The following MKRN2 variants were observed in gnomAD, a reference collection of about 807,000 sequenced individuals.
The protein encoded by MKRN2 is makorin ring finger protein 2.
Under a neutral mutation model 45.4 loss-of-function variants are expected in MKRN2, and 32 were observed. That is an observed-to-expected ratio of 0.70 (90% CI 0.53 to 0.95). The LOEUF is 0.95. Among genes scored for constraint, MKRN2 ranks in the 40% least tolerant of loss-of-function variants. The pLI is 0.00. For synonymous variants in MKRN2, 206 were observed against 192.4 expected (o/e 1.07, Z -0.59); for missense variants, 526 against 536.7 (o/e 0.98, Z 0.20).
chr3:12,568,433 G>A (rs2058081370), intron 1 of MKRN2, among the ~76,000 whole-genome samples: 1 of 152,184 alleles, frequency 6.6e-6, no homozygotes, highest in African/African-American at 2.4e-5. Flanking sequence ...CATTTTATAG[G>A]GAAAGGTAGC....
At position 12,570,271 on chromosome 3, in the gene MKRN2, TTTG is replaced by T; in HGVS notation, c.337+23_337+25del. On this transcript the variant is annotated intron_variant, in intron 3 of 7. Coordinates refer to ENST00000170447, the MANE Select transcript of MKRN2 (RefSeq NM_014160.5). Reference sequence around the variant, plus strand: ...GACCGAAGTGAGTAAGCGGAAGCCTTTTGTTGCGTCTTTTTGCATAGCACTCTT... The same window carrying T: ...GACCGAAGTGAGTAAGCGGAAGCCTTTTGCGTCTTTTTGCATAGCACTCTT... 1 of 1,605,936 alleles carries T rather than the reference TTTG, an allele frequency of 6.2e-7. No individual in the cohort carries two copies. The highest frequency in any genetic ancestry group is 8.5e-7 in the Non-Finnish European group (1 of 1,175,190).
intron 1 of MKRN2, among the ~76,000 whole-genome samples, chr3:12,565,213 C>T (rs535188076): frequency 1.3e-5 from 2 of 152,210 alleles, no homozygotes; most frequent in Non-Finnish European, 2.9e-5. Flanking sequence ...GTCTTCCAAA[C>T]TCAGCCTCCT....
chr3:12,569,945 T>C (rs1002512695), intron 2 of MKRN2, 126 bp from the exon 3 acceptor site: 174 of 854,468 alleles, frequency 2.0e-4, no homozygotes, highest in Non-Finnish European at 2.8e-4. Context: ...GTTTAAATAT[T>C]GGAAAAGATG....
At chr3:12,567,637 C>T (rs555637667) in intron 1 of MKRN2, among the ~76,000 whole-genome samples, 83 of 152,038 alleles carry the variant, frequency 5.5e-4, no homozygotes, top group East Asian at 4.1e-3. Flanking sequence ...TACAGGCATG[C>T]ACCTCCACTC....
At chr3:12,571,923 T>G (rs2058101893) in intron 3 of MKRN2, 146 bp from the exon 4 acceptor site, 2 of 744,660 alleles carry the variant, frequency 2.7e-6, no homozygotes, top group South Asian at 5.4e-5. Context: ...CCTTTTATTT[T>G]TCCCCTTCGG....
intron 1 of MKRN2, among the ~76,000 whole-genome samples, chr3:12,563,650 C>T (rs1273858545): frequency 2.0e-4 from 30 of 147,048 alleles, no homozygotes; most frequent in African/African-American, 5.3e-4. Context: ...CCACCATGCC[C>T]GGCTACTTTT....
intron 1 of MKRN2, among the ~76,000 whole-genome samples, chr3:12,567,719 G>C (rs757834942): frequency 3.3e-5 from 5 of 151,928 alleles, no homozygotes; most frequent in Non-Finnish European, 7.4e-5. Context: ...TGGAACCCCC[G>C]ACCTCAGGTG....
chr3:12,570,883 CAAAAAAAAA>C (rs889392244), intron 3 of MKRN2, among the ~76,000 whole-genome samples: 9 of 48,784 alleles, frequency 1.8e-4, no homozygotes, highest in Non-Finnish European at 4.1e-4. Context: ...GACTCCCTCT[CAAAAAAAAA>C]AAAAAAAAAA....
intron 4 of MKRN2, among the ~76,000 whole-genome samples, chr3:12,573,773 G>GGCGCCTACAGCC (rs1222444688): frequency 6.6e-6 from 1 of 151,866 alleles, no homozygotes; most frequent in Non-Finnish European, 1.5e-5. Context: ...GGCGCCTGTA[G>GGCGCCTACAGCC]TCCCAGCTAC....
intron 3 of MKRN2, among the ~76,000 whole-genome samples, chr3:12,571,015 A>C (rs1196403611): frequency 2.0e-5 from 3 of 152,124 alleles, no homozygotes; most frequent in African/African-American, 7.2e-5. Context: ...CACCTTTGGG[A>C]AAAGAATAGC....
intron 4 of MKRN2, among the ~76,000 whole-genome samples, chr3:12,573,857 C>T (rs889807169): frequency 6.6e-6 from 1 of 151,162 alleles, no homozygotes; most frequent in Admixed American, 6.6e-5. Context: ...TGCACCACCG[C>T]ACTCCAGCCT....
chr3:12,568,588 T>C (rs1016716902), intron 1 of MKRN2, among the ~76,000 whole-genome samples: 2 of 152,240 alleles, frequency 1.3e-5, no homozygotes, highest in Non-Finnish European at 1.5e-5. Context: ...TTCTCAATTA[T>C]GTGGCTCACA....
Position 12,576,741 on chromosome 3 carries a change from G to A in MKRN2, c.968G>A (p.Gly323Glu), listed in dbSNP as rs1225485766. Residue 323 changes from glycine to glutamate, a missense_variant and splice_region_variant, in exon 6 of 8, where the codon GGG becomes GAG. By Grantham distance (98) the Gly-to-Glu change is moderately conservative. Transcript: ENST00000170447. ...ELIEAFKQGM[G>E]KKACKYFEQG... ...ATTGAAGCTTTCAAACAGGGGATGG[G>A]GTAAGTGCTTTTGAGTTTCGACGTG... The A allele has an allele frequency of 6.3e-7, 1 of 1,590,194 alleles. No homozygotes were observed. The highest frequency in any genetic ancestry group is 2.2e-5 in the East Asian group (1 of 44,616).
Position 12,572,045 on chromosome 3 carries a change from A to G in MKRN2, c.338-24A>G, listed in dbSNP as rs749192375. On this transcript the variant is annotated intron_variant, in intron 3 of 7. Coordinates refer to ENST00000170447, the MANE Select transcript of MKRN2 (RefSeq NM_014160.5). ...GAAAAATGGGGCCATTTTCATGTGC[A>G]TGTGTGCTGTGTGTTGTTTTCAGAT... is the stretch of plus-strand genomic sequence containing the variant. 8 of 1,562,128 alleles carry G rather than the reference A, an allele frequency of 5.1e-6. No individual in the cohort carries two copies. The East Asian group carries it at 1.8e-4, about 35-fold the overall frequency.
rs1411047279 is a variant in MKRN2 at position 12,572,294 on chromosome 3, T to G, written c.563T>G (p.Leu188Arg). 2.5e-6 allele frequency: 4 copies of G among 1,613,324 alleles called. No homozygotes were observed. The highest frequency in any genetic ancestry group is 3.4e-6 in the Non-Finnish European group (4 of 1,179,334). The change falls in exon 4 of 8, where the codon CTG becomes CGG. Residue 188 changes from leucine (L) to arginine (R), a missense_variant. Physicochemically the swap from Leu to Arg is moderately radical, Grantham distance 102 (BLOSUM62 -2). Transcript: ENST00000170447. ...ECRFGDACVY[L>R]HGEVCEICRL... ...CGGTTTGGGGATGCCTGTGTCTACCTGCACGGGGAGGTGTGTGAAATCTGT... is the reference window on the plus strand; with the variant it reads ...CGGTTTGGGGATGCCTGTGTCTACCGGCACGGGGAGGTGTGTGAAATCTGT...
intron 5 of MKRN2, among the ~76,000 whole-genome samples, chr3:12,576,227 GTGTA>G (rs753823089): frequency 7.1e-6 from 1 of 140,320 alleles, no homozygotes. Context: ...GTGTGTGTGT[GTGTA>G]TTTTTTTTGC....
intron 5 of MKRN2, among the ~76,000 whole-genome samples, chr3:12,575,692 C>T (rs530554595): frequency 2.0e-5 from 3 of 152,264 alleles, no homozygotes; most frequent in East Asian, 3.9e-4. Flanking sequence ...GATAAAAGCC[C>T]ACAATTTAAC....
Position 12,574,859 on chromosome 3 carries a change from T to C in MKRN2, c.710T>C (p.Val237Ala), listed in dbSNP as rs1483333261. 14 of 1,614,074 alleles carry C rather than the reference T, an allele frequency of 8.7e-6. No individual in the cohort carries two copies. Among genetic ancestry groups the C allele is most frequent in the Admixed American group, 3.3e-5 (2 of 60,026 alleles). Residue 237 changes from valine to alanine, a missense_variant, in exon 5 of 8, where the codon GTG becomes GCG. Coordinates refer to ENST00000170447, the MANE Select transcript of MKRN2 (RefSeq NM_014160.5). ...AFAFQASQDK[V>A]CSICMEVILE... ...GCCTTCCAGGCAAGCCAGGACAAAGTGTGCAGTATCTGCATGGAAGTGATC... is the reference window on the plus strand; with the variant it reads ...GCCTTCCAGGCAAGCCAGGACAAAGCGTGCAGTATCTGCATGGAAGTGATC...
chr3:12,570,346 C>T, intron 3 of MKRN2, 94 bp downstream of exon 3: 1 of 1,295,198 alleles, frequency 7.7e-7, no homozygotes, highest in Non-Finnish European at 1.1e-6. Context: ...CAAGAGGACT[C>T]CTAACCTAAT....
Sources: gnomAD v4.1 joint callset for allele counts (sites outside exome capture counted in the v4.1 genomes callset) on GRCh38, gnomAD v4.1.1 for gene constraint, MANE v1.5 for transcripts, NCBI Gene and HGNC (gene_info 2026-07-23, HGNC 2026-07-21) for gene names.